Variants in TRABD2B observed in about 807,000 individuals in gnomAD.
The protein encoded by TRABD2B is TraB domain containing 2B, also known as metalloprotease TIKI2.
TRABD2B carries 14 observed loss-of-function variants against 40.1 expected under a neutral mutation model. The ratio of observed to expected loss-of-function variants is 0.35; its 90% confidence interval spans 0.23 to 0.55. The LOEUF is 0.55. Ranked by LOEUF, TRABD2B falls within the 20% of genes least tolerant of loss-of-function variation. The pLI is 0.90. For missense variants in TRABD2B, 541 were observed against 648.6 expected (o/e 0.83, Z 1.80); for synonymous variants, 263 against 277.0 (o/e 0.95, Z 0.50).
intron 2 of TRABD2B, among the ~76,000 whole-genome samples, chr1:47,829,255 GTTC>G (rs1645217378): frequency 1.3e-5 from 2 of 152,088 alleles, no homozygotes; most frequent in Admixed American, 6.5e-5. Context: ...TGCCCATAGA[GTTC>G]TTCTTTCAAG....
At position 47,762,942 on chromosome 1, in the gene TRABD2B, C is replaced by CT. The variant is rs1486899408; in HGVS notation, c.*2959dup. ...ATGCTGCCCGACCTTAAGCAGATCACTTTACCTGCTGGGTCTCAGACCTTT... is the reference window on the plus strand; with the variant it reads ...ATGCTGCCCGACCTTAAGCAGATCACTTTTACCTGCTGGGTCTCAGACCTTT... On this transcript the variant is annotated 3_prime_UTR_variant, in exon 7 of 7. Transcript: ENST00000606738. The CT allele has an allele frequency of 6.6e-6, 1 of 152,226 alleles. No individual in the cohort carries two copies. Among genetic ancestry groups the CT allele is most frequent in the Non-Finnish European group, 1.5e-5 (1 of 68,044 alleles). 9.4% of individuals were successfully genotyped at this position (152,226 alleles called of 1,614,324 possible). A position where few individuals can be genotyped will look rare whatever the true frequency, so the allele number is the denominator to read the frequency against.
At position 47,855,067 on chromosome 1, in the gene TRABD2B, A is replaced by G. The variant is rs1643877841; in HGVS notation, c.667-53448T>C. On this transcript the variant is annotated intron_variant, in intron 2 of 6. Coordinates refer to ENST00000606738, the MANE Select transcript of TRABD2B (RefSeq NM_001194986.2). ...CCTTGGCACTGAGCTGAAACTTCAG[A>G]GGCCCTTAGACTGTGGTTCATGTGG... Among the ~76,000 whole-genome samples, 4 of 152,342 alleles carry G rather than the reference A, an allele frequency of 2.6e-5. 1 individual carries two copies. In the South Asian group the frequency reaches 8.3e-4, roughly 32 times the overall value.
At chr1:47,819,075 G>A (rs1177262052) in intron 2 of TRABD2B, 1 of 152,286 alleles carries the variant, frequency 6.6e-6, no homozygotes, top group East Asian at 1.9e-4. Flanking sequence ...TGACAAGCCT[G>A]TTGTGGGGAG....
intron 2 of TRABD2B, among the ~76,000 whole-genome samples, chr1:47,950,681 G>A (rs887999984): frequency 6.6e-6 from 1 of 152,200 alleles, no homozygotes; most frequent in Non-Finnish European, 1.5e-5. Flanking sequence ...GGAATGCTGA[G>A]CTCACCAACA....
Position 47,762,156 on chromosome 1 carries a change from G to T in TRABD2B, c.*3746C>A, listed in dbSNP as rs1395010097. Reference sequence around the variant, plus strand: ...AGGGGAGAGAAGGGAGTTTCCAGGGGTAGGGAGCAGCATGTGTGAAACATC... The same window carrying T: ...AGGGGAGAGAAGGGAGTTTCCAGGGTTAGGGAGCAGCATGTGTGAAACATC... On this transcript the variant is annotated 3_prime_UTR_variant, in exon 7 of 7. Coordinates refer to ENST00000606738, the MANE Select transcript of TRABD2B (RefSeq NM_001194986.2). The T allele has an allele frequency of 1.3e-5, 2 of 152,210 alleles. No individual in the cohort carries two copies. Among genetic ancestry groups the T allele is most frequent in the African/African-American group, 2.4e-5 (1 of 41,436 alleles). The allele number at this position is 152,210 out of a possible 1,614,324, so 9.4% of individuals were successfully genotyped here.
At position 47,762,517 on chromosome 1, in the gene TRABD2B, T is replaced by C. The variant is rs990931934; in HGVS notation, c.*3385A>G. ...GGCCCTGGGCTGGAGATTAGGCAAG[T>C]GGGACAAGGGGCCTGAGCACCTAGG... On this transcript the variant is annotated 3_prime_UTR_variant, in exon 7 of 7. Transcript: ENST00000606738. 3.9e-5 allele frequency: 6 copies of C among 152,190 alleles called. No individual in the cohort carries two copies. Among genetic ancestry groups the C allele is most frequent in the African/African-American group, 1.4e-4 (6 of 41,442 alleles). The allele number at this position is 152,190 out of a possible 1,614,324, so 9.4% of individuals were successfully genotyped here. A position where few individuals can be genotyped will look rare whatever the true frequency, so the allele number is the denominator to read the frequency against.
intron 2 of TRABD2B, among the ~76,000 whole-genome samples, chr1:47,933,546 G>T (rs1013787766): frequency 2.6e-5 from 4 of 152,104 alleles, no homozygotes; most frequent in Non-Finnish European, 4.4e-5. Flanking sequence ...CCTCTCTGCC[G>T]TGCTACCTAG....
chr1:47,870,430 T>A (rs1017886527), intron 2 of TRABD2B, among the ~76,000 whole-genome samples: 8 of 152,186 alleles, frequency 5.3e-5, no homozygotes, highest in Non-Finnish European at 8.8e-5. Context: ...CCTTACCTCA[T>A]CTTCCTCAAT....
intron 2 of TRABD2B, among the ~76,000 whole-genome samples, chr1:47,938,562 T>C (rs1044800007): frequency 4.6e-5 from 7 of 152,314 alleles, no homozygotes; most frequent in African/African-American, 1.4e-4. Context: ...GCTTTGAGAA[T>C]AGTGCATACT....
chr1:47,965,499 T>TCTGA, intron 2 of TRABD2B, among the ~76,000 whole-genome samples: 1 of 152,084 alleles, frequency 6.6e-6, no homozygotes, highest in South Asian at 2.1e-4. Context: ...TTTGGCAATA[T>TCTGA]CTGACTGCCC....
At chr1:47,976,749 C>T (rs1645761561) in intron 2 of TRABD2B, among the ~76,000 whole-genome samples, 1 of 152,184 alleles carries the variant, frequency 6.6e-6, no homozygotes, top group Non-Finnish European at 1.5e-5. Flanking sequence ...ATGCTTGGTA[C>T]ATGAGCAGTA....
At chr1:47,867,830 CAG>C (rs1450737862) in intron 2 of TRABD2B, among the ~76,000 whole-genome samples, 2 of 152,316 alleles carry the variant, frequency 1.3e-5, no homozygotes, top group Non-Finnish European at 2.9e-5. Flanking sequence ...TAGCAACCAA[CAG>C]AGTGTTGCAA....
intron 2 of TRABD2B, among the ~76,000 whole-genome samples, chr1:47,911,776 C>G (rs954659873): frequency 6.6e-6 from 1 of 152,206 alleles, no homozygotes; most frequent in African/African-American, 2.4e-5. Flanking sequence ...TTTGCAAGGT[C>G]CAGTGCAAAA....
intron 2 of TRABD2B, among the ~76,000 whole-genome samples, chr1:47,937,583 T>C (rs916079825): frequency 2.6e-5 from 4 of 152,102 alleles, no homozygotes; most frequent in African/African-American, 7.2e-5. Context: ...CAGGGTGACT[T>C]AGAGAGTCAG....
intron 2 of TRABD2B, among the ~76,000 whole-genome samples, chr1:47,962,930 T>A (rs1227451081): frequency 1.3e-5 from 2 of 152,100 alleles, no homozygotes; most frequent in Non-Finnish European, 2.9e-5. Context: ...ATAACAAAGA[T>A]GCCATGCAAG....
chr1:47,918,599 C>T (rs966384712), intron 2 of TRABD2B, among the ~76,000 whole-genome samples: 1 of 152,180 alleles, frequency 6.6e-6, no homozygotes, highest in Non-Finnish European at 1.5e-5. Context: ...CTCTTCCTTT[C>T]CTCCAACTCA....
chr1:47,820,232 C>T (rs537417443), intron 2 of TRABD2B: 9 of 152,340 alleles, frequency 5.9e-5, no homozygotes, highest in South Asian at 2.1e-4. Flanking sequence ...GTCGTGTGAA[C>T]AAATGAATGA....
intron 2 of TRABD2B, among the ~76,000 whole-genome samples, chr1:47,958,468 T>G (rs531402723): frequency 7.2e-6 from 1 of 139,290 alleles, no homozygotes; most frequent in South Asian, 2.6e-4. Context: ...GAGACCCATC[T>G]CATGTGCAGA....
Position 47,994,564 on chromosome 1 carries a change from G to T in TRABD2B, c.136C>A (p.Arg46=). 6.5e-7 allele frequency: 1 copy of T among 1,535,910 alleles called. No homozygotes were observed. The highest frequency in any genetic ancestry group is 8.7e-7 in the Non-Finnish European group (1 of 1,146,860). Reference sequence around the variant, plus strand: ...AACAGGTAGGCCGGAGGATCACGCCGAATCGTCCACAGGAAGGAGTTCAAG... The same window carrying T: ...AACAGGTAGGCCGGAGGATCACGCCTAATCGTCCACAGGAAGGAGTTCAAG... ...RDLNSFLWTI[R]RDPPAYLFGT... is the part of the protein sequence containing the mutation. Residue 46 remains arginine (R), a synonymous_variant, in exon 2 of 7, where the codon CGG becomes AGG. Transcript: ENST00000606738. This position sits in a 1 kb window ranked among gnomAD's most constrained non-coding sequence, Gnocchi z 6.7.
Sources: gnomAD v4.1 joint callset for allele counts (sites outside exome capture counted in the v4.1 genomes callset) on GRCh38, gnomAD v4.1.1 for gene constraint, Gnocchi (gnomAD v3.1) non-coding constraint, MANE v1.5 for transcripts, NCBI Gene and HGNC (gene_info 2026-07-23, HGNC 2026-07-21) for gene names.